Variants in MARCHF11 observed in about 807,000 individuals in gnomAD.
The protein encoded by MARCHF11 is membrane associated ring-CH-type finger 11, also known as E3 ubiquitin-protein ligase MARCHF11.
Under a neutral mutation model 37.3 loss-of-function variants are expected in MARCHF11, and 29 were observed. The observed-to-expected ratio is 0.78, with a 90% confidence interval of 0.58 to 1.06. The LOEUF (loss-of-function observed/expected upper bound fraction) is 1.06. MARCHF11 is among the 50% of genes least tolerant of loss of function. The pLI, the probability that MARCHF11 is intolerant of heterozygous loss-of-function variation, is 0.00. For missense variants in MARCHF11, 482 were observed against 533.4 expected (o/e 0.90, Z 0.95); for synonymous variants, 233 against 228.0 (o/e 1.02, Z -0.20).
chr5:16,157,684 C>A (rs1356777952), intron 2 of MARCHF11, among the ~76,000 whole-genome samples: 1 of 151,958 alleles, frequency 6.6e-6, no homozygotes, highest in East Asian at 1.9e-4. Flanking sequence ...CAAAAATCAA[C>A]TCAAAATGAT....
chr5:16,168,127 G>T (rs555111050), intron 2 of MARCHF11, among the ~76,000 whole-genome samples: 21 of 152,188 alleles, frequency 1.4e-4, no homozygotes, highest in South Asian at 1.2e-3. Context: ...GTTTTTACCT[G>T]AAGCTTACTG....
At chr5:16,134,898 G>T (rs976338584) in intron 2 of MARCHF11, among the ~76,000 whole-genome samples, 3 of 152,000 alleles carry the variant, frequency 2.0e-5, no homozygotes, top group Non-Finnish European at 4.4e-5. Flanking sequence ...AAAATTATAT[G>T]TGTGCATGTA....
chr5:16,077,653 C>T (rs1736543898), intron 3 of MARCHF11, among the ~76,000 whole-genome samples: 1 of 152,172 alleles, frequency 6.6e-6, no homozygotes, highest in African/African-American at 2.4e-5. Context: ...ATAATTAAAA[C>T]TATTAATGAA....
rs961898553 is a variant in MARCHF11, at chr5:16,102,226, C to T, written c.694-11145G>A. ...ACACAACCCATTAAGCTGAGTTGAA[C>T]GTGCAGTGTCTGCTACTACATGGAA... On this transcript the variant is annotated intron_variant, in intron 2 of 3. Transcript: ENST00000332432. Among the ~76,000 whole-genome samples the T allele has an allele frequency of 3.3e-5, 5 of 152,138 alleles. No homozygotes were observed. The South Asian group carries it at 6.2e-4, about 19-fold the overall frequency.
intron 2 of MARCHF11, among the ~76,000 whole-genome samples, chr5:16,123,740 C>T (rs562783401): frequency 5.7e-5 from 8 of 139,916 alleles, no homozygotes; most frequent in South Asian, 2.4e-4. Flanking sequence ...GCAGCATCTC[C>T]GATCATCATA....
In MARCHF11 at chr5:16,179,233, C is replaced by T. The variant is rs963099909; in HGVS notation, c.343G>A (p.Ala115Thr). The stretch of plus-strand genomic sequence containing the variant: ...TCAGACTCCCCGGGGCCGCCTTTCG[C>T]TGCTGCCGCCTCCGGGAGGCGCCTC... ...GPRRLPEAAAAKGGPGESEAG... is the reference protein window; with the variant it reads ...GPRRLPEAAATKGGPGESEAG... The change falls in exon 1 of 4, where the codon GCG becomes ACG. Residue 115 changes from alanine (A) to threonine (T), a missense_variant. Ala to Thr is a moderately conservative substitution (Grantham distance 58, BLOSUM62 0). Coordinates refer to ENST00000332432, the MANE Select transcript of MARCHF11 (RefSeq NM_001102562.3). The T allele has an allele frequency of 7.4e-7, 1 of 1,345,294 alleles. No homozygotes were observed. Among genetic ancestry groups the T allele is most frequent in the Non-Finnish European group, 9.5e-7 (1 of 1,049,078 alleles). The allele number at this position is 1,345,294 out of a possible 1,614,324, so 83.3% of individuals were successfully genotyped here.
In MARCHF11 at chr5:16,093,312, G is replaced by T. The variant is rs556155947; in HGVS notation, c.694-2231C>A. 2.6e-5 allele frequency among the ~76,000 whole-genome samples: 4 copies of T among 152,266 alleles called. No homozygotes were observed. In the South Asian group the frequency reaches 8.3e-4, roughly 32 times the overall value. ...AAGTCTATGATGTAATCTTAGGGGA[G>T]TAAATTTGAATAGCTCAAAACTGCA... is the stretch of plus-strand genomic sequence containing the variant. On this transcript the variant is annotated intron_variant, in intron 2 of 3. Coordinates refer to ENST00000332432, the MANE Select transcript of MARCHF11 (RefSeq NM_001102562.3).
At chr5:16,073,798 T>C (rs1032104211) in intron 3 of MARCHF11, among the ~76,000 whole-genome samples, 1 of 152,118 alleles carries the variant, frequency 6.6e-6, no homozygotes, top group Non-Finnish European at 1.5e-5. Context: ...TATGAGCATT[T>C]TGTGAATATG....
At chr5:16,146,432 A>G (rs1737796096) in intron 2 of MARCHF11, among the ~76,000 whole-genome samples, 1 of 152,160 alleles carries the variant, frequency 6.6e-6, no homozygotes, top group African/African-American at 2.4e-5. Flanking sequence ...GGTTTTGAAA[A>G]GAGTATTCAT....
intron 2 of MARCHF11, among the ~76,000 whole-genome samples, chr5:16,167,162 G>A (rs1356481817): frequency 5.5e-5 from 1 of 18,174 alleles, no homozygotes; most frequent in Non-Finnish European, 1.9e-4. Context: ...ACACACGTGT[G>A]TGTGTGTGTG....
intron 2 of MARCHF11, among the ~76,000 whole-genome samples, chr5:16,092,493 A>G (rs569138588): frequency 5.9e-5 from 9 of 152,324 alleles, no homozygotes; most frequent in African/African-American, 1.9e-4. Flanking sequence ...ACAATTCCGA[A>G]TGAATAATAA....
At chr5:16,070,980 C>T (rs570139152) in intron 3 of MARCHF11, among the ~76,000 whole-genome samples, 14 of 151,852 alleles carry the variant, frequency 9.2e-5, no homozygotes, top group East Asian at 3.9e-4. Flanking sequence ...TGTGGCGTTA[C>T]GGCGAACACC....
chr5:16,156,589 G>A (rs1737980489), intron 2 of MARCHF11, among the ~76,000 whole-genome samples: 1 of 151,890 alleles, frequency 6.6e-6, no homozygotes, highest in South Asian at 2.1e-4. Context: ...ACTTTATGCT[G>A]TTTCATTGGA....
intron 2 of MARCHF11, among the ~76,000 whole-genome samples, chr5:16,120,219 A>G (rs970824755): frequency 1.3e-5 from 2 of 152,254 alleles, no homozygotes; most frequent in African/African-American, 2.4e-5. Flanking sequence ...CTAAGTGCTG[A>G]GAACATTGCA....
chr5:16,074,502 G>A (rs11954205), intron 3 of MARCHF11, among the ~76,000 whole-genome samples: 4,133 of 152,226 alleles, frequency 0.027, 170 homozygotes, highest in African/African-American at 0.094. Context: ...GACCATTAGC[G>A]AGATTAACCA....
chr5:16,091,426 T>C (rs532112391), intron 2 of MARCHF11, among the ~76,000 whole-genome samples: 6 of 152,322 alleles, frequency 3.9e-5, no homozygotes, highest in African/African-American at 1.2e-4. Context: ...ACTCTGAACA[T>C]ACATGGTGAG....
intron 2 of MARCHF11, among the ~76,000 whole-genome samples, chr5:16,147,627 T>C (rs1429937631): frequency 6.6e-6 from 1 of 152,170 alleles, no homozygotes; most frequent in Non-Finnish European, 1.5e-5. Context: ...ATCTTGAATG[T>C]GCGATAGAAA....
At chr5:16,110,774 C>A (rs149356588) in intron 2 of MARCHF11, among the ~76,000 whole-genome samples, 164 of 152,264 alleles carry the variant, frequency 1.1e-3, no homozygotes, top group Non-Finnish European at 1.8e-3. Context: ...TGTATCATAT[C>A]GAAAACTACC....
At chr5:16,125,619 CT>C (rs1323759307) in intron 2 of MARCHF11, among the ~76,000 whole-genome samples, 1 of 142,254 alleles carries the variant, frequency 7.0e-6, no homozygotes, top group Non-Finnish European at 1.5e-5. Context: ...GGCACACTCT[CT>C]GTGTGTGTGT....
Sources: allele counts gnomAD v4.1 joint callset (sites outside exome capture counted in the v4.1 genomes callset), GRCh38; gene constraint gnomAD v4.1.1; transcripts MANE v1.5; gene names NCBI Gene and HGNC (gene_info 2026-07-23, HGNC 2026-07-21).